Variants in GRAMD1A observed in about 807,000 individuals in gnomAD.
GRAMD1A encodes protein Aster-A.
A neutral mutation model predicts 92.0 loss-of-function variants in GRAMD1A; 50 were observed. That is an observed-to-expected ratio of 0.54 (90% CI 0.43 to 0.69). GRAMD1A has a LOEUF of 0.69. Among genes scored for constraint, GRAMD1A ranks in the 30% least tolerant of loss-of-function variants. The pLI is 0.00. For synonymous variants in GRAMD1A, 405 were observed against 403.6 expected (o/e 1.00, Z -0.04); for missense variants, 819 against 978.9 (o/e 0.84, Z 2.18).
In GRAMD1A at chr19:35,021,875, T is replaced by C. The variant is rs374835637; in HGVS notation, c.1753+11T>C. On this transcript the variant is annotated intron_variant, in intron 15 of 19. Transcript: ENST00000317991. The surrounding 1 kb of genome is among the most constrained non-coding windows in gnomAD (Gnocchi z 5.3). ...GCATTCACACCTCGGGTACGTTCCG[T>C]TGGGGCCGGGTTGGGGTAGGCGGAG... 1.1e-4 allele frequency: 180 copies of C among 1,605,074 alleles called. No individual in the cohort carries two copies. The highest frequency in any genetic ancestry group is 8.3e-4 in the Middle Eastern group (5 of 6,016).
chr19:35,013,643 C>A lies in GRAMD1A; in HGVS notation c.822C>A (p.Gly274=). 6.2e-7 allele frequency: 1 copy of A among 1,613,390 alleles called. No homozygotes were observed. Among genetic ancestry groups the A allele is most frequent in the Non-Finnish European group, 8.5e-7 (1 of 1,179,830 alleles). The change falls in exon 9 of 20, where the codon GGC becomes GGA. Residue 274 remains glycine (G), a synonymous_variant. Transcript: ENST00000317991. The surrounding 1 kb of genome is among the most constrained non-coding windows in gnomAD (Gnocchi z 4.9). The stretch of plus-strand genomic sequence containing the variant: ...CAAGCCCAGTGGGTTCGCGCCGTGG[C>A]CATGTCACGCCCAACCTTTCCCGAG... The part of the protein sequence containing the change: ...QEPSPVGSRR[G]HVTPNLSRAS...
Position 35,014,402 on chromosome 19 carries a change from C to G in GRAMD1A, c.1069+15C>G, listed in dbSNP as rs1479425219. 6.2e-7 allele frequency: 1 copy of G among 1,608,854 alleles called. No individual in the cohort carries two copies. The highest frequency in any genetic ancestry group is 1.1e-5 in the South Asian group (1 of 90,958). On this transcript the variant is annotated intron_variant, in intron 10 of 19. Transcript: ENST00000317991. Reference sequence around the variant, plus strand: ...TGGGGAGGAAGGTGAGGCAGGCGGGCCCAATTCATTCGCCTCCGGTACTTG... The same window carrying G: ...TGGGGAGGAAGGTGAGGCAGGCGGGGCCAATTCATTCGCCTCCGGTACTTG...
chr19:35,000,098 A>C (rs2014229301), upstream of GRAMD1A: 1 of 989,072 alleles, frequency 1.0e-6, no homozygotes, highest in Non-Finnish European at 1.2e-6. The surrounding 1 kb of genome is among the most constrained non-coding windows in gnomAD (Gnocchi z 4.9). Flanking sequence ...AGCTGCCTCC[A>C]CGATGTTTGG....
chr19:35,012,627 C>T (rs1426716757), intron 7 of GRAMD1A, among the ~76,000 whole-genome samples: 1 of 152,230 alleles, frequency 6.6e-6, no homozygotes, highest in Non-Finnish European at 1.5e-5. Flanking sequence ...ACATGACTTT[C>T]CCTACATGAC....
intron 11 of GRAMD1A, among the ~76,000 whole-genome samples, chr19:35,016,904 C>CAAAA (rs553636601): frequency 1.5e-5 from 1 of 68,448 alleles, no homozygotes; most frequent in Non-Finnish European, 2.8e-5. Context: ...GACTCTGTCT[C>CAAAA]AAAAAAAAAA....
Position 35,000,705 on chromosome 19 carries a change from C to T in GRAMD1A, c.8+219C>T, listed in dbSNP as rs2014299703. Reference sequence around the variant, plus strand: ...TGGGGCGCGGACGCAGGGCAGGGCCCGGGGTCTGGGTCGCCACTGCCGGCC... The same window carrying T: ...TGGGGCGCGGACGCAGGGCAGGGCCTGGGGTCTGGGTCGCCACTGCCGGCC... On this transcript the variant is annotated intron_variant, in intron 1 of 19. Transcript: ENST00000317991. This position sits in a 1 kb window ranked among gnomAD's most constrained non-coding sequence, Gnocchi z 4.9. 6.6e-6 allele frequency among the ~76,000 whole-genome samples: 1 copy of T among 151,412 alleles called. No homozygotes were observed. The highest frequency in any genetic ancestry group is 2.4e-5 in the African/African-American group (1 of 41,114).
At position 35,013,119 on chromosome 19, in the gene GRAMD1A, G is replaced by T. The variant is rs2015358535; in HGVS notation, c.607-137G>T. 3 of 609,806 alleles carry T rather than the reference G, an allele frequency of 4.9e-6. No homozygotes were observed. The South Asian group carries it at 5.5e-5, about 11-fold the overall frequency. The allele number at this position is 609,806 out of a possible 1,614,324, so 37.8% of individuals were successfully genotyped here. ...GGGGATTCCCCGCTTGCTGAGGCCA[G>T]GTCTGGTGCGGGAGATCGTGGCTGC... On this transcript the variant is annotated intron_variant, in intron 7 of 19. Transcript: ENST00000317991. The surrounding 1 kb of genome is among the most constrained non-coding windows in gnomAD (Gnocchi z 4.9).
Position 35,021,099 on chromosome 19 carries a change from G to T in GRAMD1A, c.1476-403G>T, listed in dbSNP as rs947156567. 4.6e-5 allele frequency among the ~76,000 whole-genome samples: 7 copies of T among 152,344 alleles called. No homozygotes were observed. The highest frequency in any genetic ancestry group is 2.9e-5 in the Non-Finnish European group (2 of 68,032). On this transcript the variant is annotated intron_variant, in intron 13 of 19. Coordinates refer to ENST00000317991, the MANE Select transcript of GRAMD1A (RefSeq NM_020895.5). The surrounding 1 kb of genome is among the most constrained non-coding windows in gnomAD (Gnocchi z 5.3). ...CAGATGGGGGCGGCAGGGAGGAATG[G>T]GTTTGGGGAAAGACCAGGAGGTCAG...
rs1209491296 is a variant in GRAMD1A, at chr19:35,013,535, C to T, written c.720-6C>T. On this transcript the variant is annotated splice_region_variant and splice_polypyrimidine_tract_variant and intron_variant, in intron 8 of 19. Coordinates refer to ENST00000317991, the MANE Select transcript of GRAMD1A (RefSeq NM_020895.5). This position sits in a 1 kb window ranked among gnomAD's most constrained non-coding sequence, Gnocchi z 4.9. ...CAGCAGTCCCGCTTCCTCCCCTTTC[C>T]CACAGGACCCCCAAGGAAGTGGGAG... is the stretch of plus-strand genomic sequence containing the variant. 1 of 1,596,746 alleles carries T rather than the reference C, an allele frequency of 6.3e-7. No individual in the cohort carries two copies. Among genetic ancestry groups the T allele is most frequent in the Non-Finnish European group, 8.6e-7 (1 of 1,168,784 alleles).
intron 18 of GRAMD1A, 23 bp downstream of exon 18, chr19:35,023,366 TG>T (rs757014350): frequency 6.2e-7 from 1 of 1,613,688 alleles, no homozygotes; most frequent in South Asian, 1.1e-5. Flanking sequence ...CCTGGGGAAA[TG>T]GGGGGGCTTG....
chr19:35,000,320 G>C (rs2014246371), upstream of GRAMD1A: 4 of 1,055,468 alleles, frequency 3.8e-6, no homozygotes, highest in Non-Finnish European at 4.6e-6. This position sits in a 1 kb window ranked among gnomAD's most constrained non-coding sequence, Gnocchi z 4.9. Context: ...CGGCGGCTCC[G>C]GCCTTTTGTG....
intron 10 of GRAMD1A, chr19:35,014,720 T>C (rs1184326126): frequency 5.4e-6 from 2 of 368,036 alleles, no homozygotes; most frequent in Admixed American, 3.8e-5. Flanking sequence ...CTTCATAGGA[T>C]TGTTGTTAAG....
chr19:35,005,307 C>T (rs1391565292), intron 1 of GRAMD1A, among the ~76,000 whole-genome samples: 87 of 572 alleles, frequency 0.15, 1 homozygote, highest in African/African-American at 0.29. Flanking sequence ...GGAGGGGGAT[C>T]GGGAGGCGGG....
At position 35,026,449 on chromosome 19, in the gene GRAMD1A, C is replaced by T; in HGVS notation, c.*308C>T. 1 of 359,760 alleles carries T rather than the reference C, an allele frequency of 2.8e-6. No individual in the cohort carries two copies. Among genetic ancestry groups the T allele is most frequent in the Non-Finnish European group, 5.1e-6 (1 of 196,188 alleles). The allele number at this position is 359,760 out of a possible 1,614,324, so 22.3% of individuals were successfully genotyped here. ...TATATTTATTTGGGGCCGACAGTGC[C>T]CCAATAAAGGGTCAGAAGTGGCTGT... On this transcript the variant is annotated 3_prime_UTR_variant, in exon 20 of 20. Transcript: ENST00000317991.
At chr19:35,019,730 G>A (rs541936049) in intron 13 of GRAMD1A, among the ~76,000 whole-genome samples, 197 bp downstream of exon 13, 1 of 152,278 alleles carries the variant, frequency 6.6e-6, no homozygotes, top group East Asian at 1.9e-4. Context: ...ATCTACAGAG[G>A]GTGTTTGAGC....
In GRAMD1A at chr19:35,021,119, G is replaced by C. The variant is rs905620976; in HGVS notation, c.1476-383G>C. ...GAATGGGTTTGGGGAAAGACCAGGAGGTCAGTTTGGGACTCAGCTGTCTAT... is the reference window on the plus strand; with the variant it reads ...GAATGGGTTTGGGGAAAGACCAGGACGTCAGTTTGGGACTCAGCTGTCTAT... On this transcript the variant is annotated intron_variant, in intron 13 of 19. Coordinates refer to ENST00000317991, the MANE Select transcript of GRAMD1A (RefSeq NM_020895.5). This position sits in a 1 kb window ranked among gnomAD's most constrained non-coding sequence, Gnocchi z 5.3. Among the ~76,000 whole-genome samples, 60 of 152,356 alleles carry C rather than the reference G, an allele frequency of 3.9e-4. No individual in the cohort carries two copies. Among genetic ancestry groups the C allele is most frequent in the Non-Finnish European group, 2.2e-4 (15 of 68,032 alleles).
rs1204948536 is a variant in GRAMD1A, at chr19:35,000,345, G to T, written c.-134G>T. On this transcript the variant is annotated 5_prime_UTR_variant, in exon 1 of 20. Transcript: ENST00000317991. This position sits in a 1 kb window ranked among gnomAD's most constrained non-coding sequence, Gnocchi z 4.9. ...GGCCTTTTGTGCGGGCGGTTGGGTC[G>T]GGTGGGGGCGGCGGCCGCGGAAGGC... The T allele has an allele frequency of 9.3e-7, 1 of 1,079,636 alleles. No individual in the cohort carries two copies. The highest frequency in any genetic ancestry group is 1.1e-6 in the Non-Finnish European group (1 of 892,384). The allele number at this position is 1,079,636 out of a possible 1,614,324, so 66.9% of individuals were successfully genotyped here.
In GRAMD1A at chr19:35,014,448, G is replaced by A. The variant is rs184283866; in HGVS notation, c.1069+61G>A. 26 of 1,442,502 alleles carry A rather than the reference G, an allele frequency of 1.8e-5. No individual in the cohort carries two copies. In the East Asian group the frequency reaches 5.7e-4, roughly 32 times the overall value. The allele number at this position is 1,442,502 out of a possible 1,614,324, so 89.4% of individuals were successfully genotyped here. A position where few individuals can be genotyped will look rare whatever the true frequency, so the allele number is the denominator to read the frequency against. On this transcript the variant is annotated intron_variant, in intron 10 of 19. Coordinates refer to ENST00000317991, the MANE Select transcript of GRAMD1A (RefSeq NM_020895.5). The stretch of plus-strand genomic sequence containing the variant: ...ACTTGCAAGCCTCGCTCAGTCTTAA[G>A]CAAGAGGGGATGGATTCGCCCGCAG...
intron 1 of GRAMD1A, chr19:35,005,845 C>T (rs1775402717): frequency 2.2e-6 from 1 of 456,046 alleles, no homozygotes; most frequent in African/African-American, 2.0e-5. Flanking sequence ...ACGCATGAGC[C>T]AAAGTCCTGA....
Sources: allele counts gnomAD v4.1 joint callset (sites outside exome capture counted in the v4.1 genomes callset), GRCh38; gene constraint gnomAD v4.1.1; non-coding constraint Gnocchi (gnomAD v3.1); transcripts MANE v1.5; gene names NCBI Gene and HGNC (gene_info 2026-07-23, HGNC 2026-07-21).